MEI4: variants seen among roughly 807,000 people sequenced by gnomAD.
The protein encoded by MEI4 is meiosis-specific protein MEI4.
Under a neutral mutation model 31.4 loss-of-function variants are expected in MEI4, and 27 were observed. The observed-to-expected ratio is 0.86, with a 90% CI of 0.63 to 1.19. The LOEUF is 1.19. MEI4 is among the 50% of genes most tolerant of loss of function. The pLI is 0.00. For missense variants in MEI4, 329 were observed against 398.9 expected (o/e 0.82, Z 1.49); for synonymous variants, 122 against 145.4 (o/e 0.84, Z 1.16).
intron 4 of MEI4, among the ~76,000 whole-genome samples, chr6:77,920,170 A>G (rs1321344802): frequency 2.6e-5 from 4 of 151,596 alleles, no homozygotes; most frequent in Admixed American, 2.0e-4. Flanking sequence ...TCATTCTGAT[A>G]CCAAAGCCTG....
intron 1 of MEI4, among the ~76,000 whole-genome samples, chr6:77,680,897 C>T (rs1768944548): frequency 6.6e-6 from 1 of 152,040 alleles, no homozygotes; most frequent in Non-Finnish European, 1.5e-5. Context: ...TAATAATGAG[C>T]CCTAAAGAAA....
rs989634561 is a variant in MEI4, at chr6:77,925,878, A to C, written c.*2532A>C. 6.7e-6 allele frequency: 1 copy of C among 150,076 alleles called. No homozygotes were observed. The highest frequency in any genetic ancestry group is 2.5e-5 in the African/African-American group (1 of 40,796). 9.3% of individuals were successfully genotyped at this position (150,076 alleles called of 1,614,324 possible). ...TACATATATATACGATATGTATAAT[A>C]AATACCAAATAGCCAGGTACTTACC... On this transcript the variant is annotated 3_prime_UTR_variant, in exon 5 of 5. Coordinates refer to ENST00000684080, the MANE Select transcript of MEI4 (RefSeq NM_001322247.2).
At chr6:77,660,225 G>A (rs1042438926) in intron 1 of MEI4, among the ~76,000 whole-genome samples, 1 of 152,154 alleles carries the variant, frequency 6.6e-6, no homozygotes, top group Non-Finnish European at 1.5e-5. Flanking sequence ...GAGAGAATGG[G>A]TAAAGTTGAT....
At chr6:77,846,771 C>A (rs1770497283) in intron 4 of MEI4, among the ~76,000 whole-genome samples, 1 of 152,110 alleles carries the variant, frequency 6.6e-6, no homozygotes, top group Admixed American at 6.6e-5. Flanking sequence ...AACTATAGTG[C>A]TTTTTGATTA....
intron 4 of MEI4, among the ~76,000 whole-genome samples, chr6:77,831,438 A>G (rs1468081008): frequency 2.0e-5 from 3 of 151,644 alleles, no homozygotes; most frequent in African/African-American, 4.8e-5. Flanking sequence ...CGGCACTCAC[A>G]TGCTCACAGT....
intron 4 of MEI4, among the ~76,000 whole-genome samples, chr6:77,888,487 T>C (rs1443263967): frequency 1.3e-5 from 2 of 152,178 alleles, no homozygotes; most frequent in Non-Finnish European, 2.9e-5. Flanking sequence ...GGCCTTTTGC[T>C]TCCAGAAGCA....
chr6:77,690,572 T>C (rs1769139798), intron 1 of MEI4, 86 bp from the exon 2 acceptor site: 9 of 564,432 alleles, frequency 1.6e-5, no homozygotes, highest in South Asian at 2.0e-4. Flanking sequence ...TAATTAATGT[T>C]ACTCTGCAAA....
At chr6:77,817,074 A>T (rs910040441) in intron 3 of MEI4, among the ~76,000 whole-genome samples, 2 of 151,624 alleles carry the variant, frequency 1.3e-5, no homozygotes, top group Non-Finnish European at 2.9e-5. Context: ...AAATATTCAC[A>T]CTTGTCAGCA....
chr6:77,661,452 C>T (rs934473240), intron 1 of MEI4, among the ~76,000 whole-genome samples: 7 of 152,142 alleles, frequency 4.6e-5, no homozygotes, highest in Non-Finnish European at 1.0e-4. Context: ...AAAGTGTCTA[C>T]CCAGACTAAG....
At chr6:77,708,710 G>A (rs1360284087) in intron 2 of MEI4, among the ~76,000 whole-genome samples, 2 of 152,124 alleles carry the variant, frequency 1.3e-5, no homozygotes. Flanking sequence ...AGTAAAGAAT[G>A]AGTGGTTGCT....
intron 3 of MEI4, among the ~76,000 whole-genome samples, chr6:77,786,570 G>C (rs2127693495): frequency 6.6e-6 from 1 of 152,130 alleles, no homozygotes; most frequent in Admixed American, 6.6e-5. Flanking sequence ...AATGTAATAA[G>C]ACGGGAAAAA....
At chr6:77,801,772 T>G (rs1255354298) in intron 3 of MEI4, among the ~76,000 whole-genome samples, 2 of 152,216 alleles carry the variant, frequency 1.3e-5, no homozygotes, top group Non-Finnish European at 2.9e-5. Context: ...AGTTTCCATG[T>G]AGTTGAGCGG....
chr6:77,823,428 G>A (rs1427737386), intron 3 of MEI4, among the ~76,000 whole-genome samples: 2 of 152,178 alleles, frequency 1.3e-5, no homozygotes, highest in Non-Finnish European at 2.9e-5. Flanking sequence ...TTCTTGTTTA[G>A]TTAAGATGTG....
rs113024174 is a variant in MEI4, at chr6:77,890,861, C to T, written c.901-32228C>T. ...TTATAAGGGGCTTTTCCTCCTTTGC[C>T]TGGCACATCTTCTTCCTGCTGCCGT... is the stretch of plus-strand genomic sequence containing the variant. On this transcript the variant is annotated intron_variant, in intron 4 of 4. Transcript: ENST00000684080. Among the ~76,000 whole-genome samples, 200 of 152,254 alleles carry T rather than the reference C, an allele frequency of 1.3e-3. 1 individual carries two copies. The highest frequency in any genetic ancestry group is 2.3e-3 in the Non-Finnish European group (156 of 68,022).
intron 2 of MEI4, among the ~76,000 whole-genome samples, chr6:77,705,322 A>G (rs1307046191): frequency 6.6e-6 from 1 of 152,252 alleles, no homozygotes; most frequent in East Asian, 1.9e-4. Flanking sequence ...ATCAATCCAT[A>G]GAAAAGTACA....
intron 2 of MEI4, among the ~76,000 whole-genome samples, chr6:77,744,561 G>T (rs4708365): frequency 0.2 from 29,987 of 152,040 alleles, 3,216 homozygotes; most frequent in African/African-American, 0.27. Flanking sequence ...TATTATCCAG[G>T]AGAACTTCCC....
At chr6:77,894,368 A>G (rs4549591) in intron 4 of MEI4, among the ~76,000 whole-genome samples, 149,973 of 152,172 alleles carry the variant, frequency 0.99, 73,911 homozygotes, top group East Asian at 1. Flanking sequence ...CAGGTGTGGT[A>G]AATGGTGATT....
At chr6:77,678,554 A>ACAATGTTATAGCCCAGTACATTGCGTAC (rs58196034) in intron 1 of MEI4, among the ~76,000 whole-genome samples, 1 of 151,934 alleles carries the variant, frequency 6.6e-6, no homozygotes, top group Non-Finnish European at 1.5e-5. Context: ...AGGAGCCATC[A>ACAATGTTATAGCCCAGTACATTGCGTAC]ATGTTTGTGG....
intron 4 of MEI4, among the ~76,000 whole-genome samples, chr6:77,910,214 C>T (rs537394241): frequency 2.0e-5 from 3 of 152,180 alleles, no homozygotes; most frequent in Admixed American, 6.6e-5. Flanking sequence ...CCAGGGCAAT[C>T]AGGCAGGAGA....
Sources: allele counts gnomAD v4.1 joint callset (sites outside exome capture counted in the v4.1 genomes callset), GRCh38; gene constraint gnomAD v4.1.1; transcripts MANE v1.5; gene names NCBI Gene and HGNC (gene_info 2026-07-23, HGNC 2026-07-21).